LINGO2: variants seen among roughly 807,000 people sequenced by gnomAD.
LINGO2 encodes the protein leucine rich repeat and Ig domain containing 2.
In LINGO2, 14 loss-of-function variants were observed where a neutral mutation model predicts 30.6. That is an observed-to-expected ratio of 0.46 (90% CI 0.30 to 0.72). The LOEUF is 0.72. LINGO2 is among the 30% of genes least tolerant of loss of function. The pLI, the probability that LINGO2 is intolerant of heterozygous loss-of-function variation, is 0.07. For missense variants in LINGO2, 729 were observed against 751.7 expected, an observed-to-expected ratio of 0.97 and a Z score of 0.35; for synonymous variants, 317 against 288.5, an observed-to-expected ratio of 1.10 and a Z score of -1.00.
the LINGO2 span, among the ~76,000 whole-genome samples, chr9:28,730,454 T>G: frequency 6.6e-6 from 1 of 152,200 alleles, no homozygotes; most frequent in African/African-American, 2.4e-5. Context: ...AATTTAAAAC[T>G]GTTAACTAAA....
chr9:28,484,685 T>A (rs1365596376), intron 1 of LINGO2, among the ~76,000 whole-genome samples: 2 of 152,118 alleles, frequency 1.3e-5, no homozygotes, highest in African/African-American at 4.8e-5. Flanking sequence ...ACCATGAGAA[T>A]AACTAAATTT....
intron 1 of LINGO2, among the ~76,000 whole-genome samples, chr9:28,640,640 C>T (rs35442002): frequency 1.4e-3 from 209 of 151,868 alleles, no homozygotes; most frequent in Admixed American, 4.0e-3. Context: ...CTTGTGCATT[C>T]GTCACGTAGT....
intron 3 of LINGO2, among the ~76,000 whole-genome samples, chr9:28,347,511 T>A (rs1200780164): frequency 6.6e-6 from 1 of 152,148 alleles, no homozygotes; most frequent in Non-Finnish European, 1.5e-5. Flanking sequence ...CATTTATCCA[T>A]CCACCCATCC....
At chr9:28,087,050 C>T (rs969080778) in intron 4 of LINGO2, among the ~76,000 whole-genome samples, 1 of 152,132 alleles carries the variant, frequency 6.6e-6, no homozygotes, top group African/African-American at 2.4e-5. Context: ...CTTCTAATCA[C>T]TCTCTGCTGT....
intron 1 of LINGO2, among the ~76,000 whole-genome samples, chr9:28,665,859 G>C (rs983918619): frequency 4.8e-4 from 72 of 150,636 alleles, no homozygotes; most frequent in Non-Finnish European, 1.6e-4. Context: ...TATATTTTAT[G>C]ATGAGTACCA....
chr9:28,263,358 C>T (rs934945619), intron 4 of LINGO2, among the ~76,000 whole-genome samples: 2 of 152,012 alleles, frequency 1.3e-5, no homozygotes, highest in African/African-American at 4.8e-5. Flanking sequence ...TTACTCCACT[C>T]TTTCCACACC....
chr9:28,015,053 G>T (rs761993633), intron 4 of LINGO2, among the ~76,000 whole-genome samples: 133 of 152,154 alleles, frequency 8.7e-4, no homozygotes, highest in Middle Eastern at 6.8e-3. Context: ...ATCACATATA[G>T]CAAAGTTGTG....
the LINGO2 span, among the ~76,000 whole-genome samples, chr9:28,886,139 G>A: frequency 0.85 from 129,574 of 152,114 alleles, 55,352 homozygotes; most frequent in Non-Finnish European, 0.89. Context: ...CTAAATCAAC[G>A]AGTTATGTTT....
chr9:28,450,894 T>C (rs1461875950), intron 2 of LINGO2, among the ~76,000 whole-genome samples: 1 of 152,022 alleles, frequency 6.6e-6, no homozygotes, highest in East Asian at 1.9e-4. Context: ...AATAGTTGTA[T>C]TTAAATGGCC....
At chr9:29,009,565 T>A in the LINGO2 span, among the ~76,000 whole-genome samples, 1 of 152,198 alleles carries the variant, frequency 6.6e-6, no homozygotes, top group Non-Finnish European at 1.5e-5. Context: ...TCCATGCTCA[T>A]GGGTAGGAAG....
At chr9:28,936,380 G>C in the LINGO2 span, among the ~76,000 whole-genome samples, 848 of 152,306 alleles carry the variant, frequency 5.6e-3, 11 homozygotes, top group African/African-American at 0.019. Flanking sequence ...AAAAATGGTA[G>C]TGGTGATGAT....
At chr9:29,188,445 G>A in the LINGO2 span, among the ~76,000 whole-genome samples, 2 of 152,214 alleles carry the variant, frequency 1.3e-5, no homozygotes, top group African/African-American at 2.4e-5. Context: ...GCAACCATCC[G>A]ATTTCTCAAT....
chr9:28,671,505 A>G (rs1418465458), upstream of LINGO2, among the ~76,000 whole-genome samples: 1 of 119,374 alleles, frequency 8.4e-6, no homozygotes, highest in African/African-American at 2.9e-5. Context: ...GGAGGCCATT[A>G]TCTTAAGCAA....
At chr9:28,620,803 A>G (rs1159611328) in intron 1 of LINGO2, among the ~76,000 whole-genome samples, 1 of 152,074 alleles carries the variant, frequency 6.6e-6, no homozygotes, top group East Asian at 1.9e-4. Flanking sequence ...ACAAAGAAGA[A>G]CAACACACAC....
intron 2 of LINGO2, among the ~76,000 whole-genome samples, chr9:28,391,602 TGC>T (rs1160629418): frequency 1.2e-4 from 11 of 92,464 alleles, no homozygotes; most frequent in Admixed American, 2.4e-4. Context: ...TATTTATGTT[TGC>T]GTGTGTGTGT....
rs139908426 is a variant in LINGO2, at chr9:28,149,569, G to A, written c.-86-137164C>T. On this transcript the variant is annotated intron_variant, in intron 4 of 5. Coordinates refer to ENST00000379992, the Ensembl canonical transcript of LINGO2. ...GGCCCTGCCCCGTCTGGGCAGTGAG[G>A]AGTGCCTGTGGAGTCCGCCGCCCTG... Among the ~76,000 whole-genome samples the A allele has an allele frequency of 8.6e-3, 1,288 of 150,354 alleles. 18 individuals carry two copies. Among genetic ancestry groups the A allele is most frequent in the African/African-American group, 0.027 (1,101 of 40,778 alleles).
the LINGO2 span, among the ~76,000 whole-genome samples, chr9:29,035,870 T>C: frequency 1.3e-5 from 2 of 151,950 alleles, no homozygotes; most frequent in Admixed American, 6.6e-5. Context: ...AGGTAAATTG[T>C]CATGGAGGCA....
intron 1 of LINGO2, among the ~76,000 whole-genome samples, chr9:28,632,547 CAATATAT>C (rs1279283675): frequency 6.9e-6 from 1 of 145,726 alleles, no homozygotes; most frequent in African/African-American, 2.5e-5. Flanking sequence ...ACATATATCT[CAATATAT>C]AATATATATC....
chr9:28,053,357 A>C (rs571341812), intron 4 of LINGO2, among the ~76,000 whole-genome samples: 1 of 152,178 alleles, frequency 6.6e-6, no homozygotes, highest in African/African-American at 2.4e-5. Flanking sequence ...CGTAAGAGAC[A>C]AAACTAGAAT....
Sources: allele counts gnomAD v4.1 joint callset (sites outside exome capture counted in the v4.1 genomes callset), GRCh38; gene constraint gnomAD v4.1.1; transcripts MANE v1.5; gene names NCBI Gene and HGNC (gene_info 2026-07-23, HGNC 2026-07-21).